The following SLC35E2B variants were observed in gnomAD, a reference collection of about 807,000 sequenced individuals.
SLC35E2B encodes solute carrier family 35, member E2B.
In SLC35E2B, 18 loss-of-function variants were observed where a neutral mutation model predicts 32.4. The observed-to-expected ratio is 0.56, with a 90% CI of 0.38 to 0.82. SLC35E2B has a LOEUF of 0.82. Ranked by LOEUF, SLC35E2B falls within the 40% of genes least tolerant of loss-of-function variation. SLC35E2B has a pLI of 0.00. For missense variants in SLC35E2B, 263 were observed against 469.5 expected (o/e 0.56, Z 4.06); for synonymous variants, 132 against 209.1 (o/e 0.63, Z 3.18).
chr1:1,668,203 T>C lies in SLC35E2B; in HGVS notation c.980+124A>G, dbSNP rs2101092938. 1.3e-5 allele frequency: 19 copies of C among 1,414,508 alleles called. No homozygotes were observed. The South Asian group carries it at 2.4e-4, about 18-fold the overall frequency. The allele number at this position is 1,414,508 out of a possible 1,614,324, so 87.6% of individuals were successfully genotyped here. On this transcript the variant is annotated intron_variant, in intron 9 of 9. Coordinates refer to ENST00000617444, the MANE Select transcript of SLC35E2B (RefSeq NM_001290264.2). Reference sequence around the variant, plus strand: ...GTATAAAATAGCCTAGTAATTACACTGCATAGCCACACTCATCCCCGTGGA... The same window carrying C: ...GTATAAAATAGCCTAGTAATTACACCGCATAGCCACACTCATCCCCGTGGA...
At chr1:1,678,611 TGAG>T (rs916627771) in intron 2 of SLC35E2B, among the ~76,000 whole-genome samples, 7 of 151,986 alleles carry the variant, frequency 4.6e-5, no homozygotes, top group African/African-American at 9.7e-5. Context: ...CAGGCCTCAG[TGAG>T]GAGAAGGCCG....
Position 1,670,090 on chromosome 1 carries a change from A to C in SLC35E2B, c.761+8T>G, listed in dbSNP as rs1643647650. The C allele has an allele frequency of 2.6e-6, 4 of 1,549,772 alleles. No individual in the cohort carries two copies. Among genetic ancestry groups the C allele is most frequent in the South Asian group, 1.2e-5 (1 of 83,994 alleles). ...GACTTGGAGATTTCACTGACGAATAATACTTACGAGAACCTGTATTTGTCC... is the reference window on the plus strand; with the variant it reads ...GACTTGGAGATTTCACTGACGAATACTACTTACGAGAACCTGTATTTGTCC... On this transcript the variant is annotated splice_region_variant and intron_variant, in intron 7 of 9. Transcript: ENST00000617444.
rs527461550 is a variant in SLC35E2B at position 1,687,982 on chromosome 1, G to A, written c.-148+2994C>T. Among the ~76,000 whole-genome samples the A allele has an allele frequency of 3.3e-5, 5 of 152,096 alleles. No individual in the cohort carries two copies. In the East Asian group the frequency reaches 7.7e-4, roughly 23 times the overall value. On this transcript the variant is annotated intron_variant, in intron 2 of 9. Coordinates refer to ENST00000617444, the MANE Select transcript of SLC35E2B (RefSeq NM_001290264.2). ...CTTCTTTGAAAAATGACTGACTCTCGGGCTGTGGTGGGAAAGACACCAGAG... is the reference window on the plus strand; with the variant it reads ...CTTCTTTGAAAAATGACTGACTCTCAGGCTGTGGTGGGAAAGACACCAGAG...
chr1:1,684,789 CAAAAAAAA>C lies in SLC35E2B; in HGVS notation c.-148+6179_-148+6186del, dbSNP rs1175219653. Among the ~76,000 whole-genome samples, 9 of 23,734 alleles carry C rather than the reference CAAAAAAAA, an allele frequency of 3.8e-4. 1 individual carries two copies. The South Asian group carries it at 9.2e-3, about 24-fold the overall frequency. 15.6% of individuals were successfully genotyped at this position (23,734 alleles called of 152,430 possible). A position where few individuals can be genotyped will look rare whatever the true frequency, so the allele number is the denominator to read the frequency against. ...TGGGCAACAGAGCGAGACTCCATCT[CAAAAAAAA>C]AAAAAAAAAAAAAAAAACAGGACAG... is the stretch of plus-strand genomic sequence containing the variant. On this transcript the variant is annotated intron_variant, in intron 2 of 9. Coordinates refer to ENST00000617444, the MANE Select transcript of SLC35E2B (RefSeq NM_001290264.2).
At chr1:1,678,914 G>A in intron 2 of SLC35E2B, among the ~76,000 whole-genome samples, 1 of 152,108 alleles carries the variant, frequency 6.6e-6, no homozygotes, top group South Asian at 2.1e-4. Flanking sequence ...TGGCTTTCCT[G>A]AGGTGAAAAT....
Position 1,665,682 on chromosome 1 carries a change from C to T in SLC35E2B, c.*100G>A. 5 of 1,474,414 alleles carry T rather than the reference C, an allele frequency of 3.4e-6. 1 individual carries two copies. The highest frequency in any genetic ancestry group is 1.3e-5 in the South Asian group (1 of 74,972). 91.3% of individuals were successfully genotyped at this position (1,474,414 alleles called of 1,614,324 possible). A position where few individuals can be genotyped will look rare whatever the true frequency, so the allele number is the denominator to read the frequency against. ...GCAGGCAATGGCCAACTTAGCTCCC[C>T]ATGTCCTGCACCCCAGCAGGGCCAT... On this transcript the variant is annotated 3_prime_UTR_variant, in exon 10 of 10. Coordinates refer to ENST00000617444, the MANE Select transcript of SLC35E2B (RefSeq NM_001290264.2).
At chr1:1,670,290 T>TTTTTTA in intron 6 of SLC35E2B, 139 bp from the exon 7 acceptor site, 1 of 642,412 alleles carries the variant, frequency 1.6e-6, no homozygotes, top group Non-Finnish European at 2.7e-6. Context: ...CCTGGTTACT[T>TTTTTTA]TTTTTATTTT....
In SLC35E2B at chr1:1,687,607, C is replaced by T. The variant is rs187551183; in HGVS notation, c.-148+3369G>A. Reference sequence around the variant, plus strand: ...AAAATTAGCCAGACATGGTGGCAGGCGCCTGTAGTCCCAGCTACTTGGCAT... The same window carrying T: ...AAAATTAGCCAGACATGGTGGCAGGTGCCTGTAGTCCCAGCTACTTGGCAT... On this transcript the variant is annotated intron_variant, in intron 2 of 9. Transcript: ENST00000617444. Among the ~76,000 whole-genome samples, 522 of 152,036 alleles carry T rather than the reference C, an allele frequency of 3.4e-3. 6 individuals are homozygous for T. The highest frequency in any genetic ancestry group is 0.012 in the African/African-American group (496 of 41,458).
intron 2 of SLC35E2B, among the ~76,000 whole-genome samples, chr1:1,677,881 G>A (rs1319697461): frequency 1.3e-5 from 2 of 151,638 alleles, no homozygotes; most frequent in Non-Finnish European, 2.9e-5. Flanking sequence ...CAGAACAGCC[G>A]TTTCCTCCTG....
In SLC35E2B at chr1:1,669,744, T is replaced by A. The variant is rs1643636720; in HGVS notation, c.762-8A>T. 6 of 1,547,022 alleles carry A rather than the reference T, an allele frequency of 3.9e-6. No homozygotes were observed. In the South Asian group the frequency reaches 7.2e-5, roughly 18 times the overall value. On this transcript the variant is annotated splice_polypyrimidine_tract_variant and splice_region_variant and intron_variant, in intron 7 of 9. Transcript: ENST00000617444. Reference sequence around the variant, plus strand: ...AACTGCAGCTCCGGGGCCCTGTGGGTGACAGAACACGCTGGGCCCCCCGTG... The same window carrying A: ...AACTGCAGCTCCGGGGCCCTGTGGGAGACAGAACACGCTGGGCCCCCCGTG...
At chr1:1,681,343 G>A (rs916879299) in intron 2 of SLC35E2B, among the ~76,000 whole-genome samples, 2 of 151,516 alleles carry the variant, frequency 1.3e-5, no homozygotes, top group South Asian at 2.1e-4. Flanking sequence ...GACTACAGGC[G>A]CCCGCCACCA....
At chr1:1,679,830 CAAAAAA>C (rs763458628) in intron 2 of SLC35E2B, among the ~76,000 whole-genome samples, 1 of 70,752 alleles carries the variant, frequency 1.4e-5, no homozygotes, top group African/African-American at 5.3e-5. Flanking sequence ...AGACTCCCGT[CAAAAAA>C]AAAAAAAAAA....
intron 2 of SLC35E2B, among the ~76,000 whole-genome samples, chr1:1,680,366 G>C (rs761608927): frequency 3.9e-5 from 6 of 152,114 alleles, no homozygotes; most frequent in African/African-American, 1.4e-4. Context: ...GCAAACAAAG[G>C]CCTCTCCATG....
intron 8 of SLC35E2B, among the ~76,000 whole-genome samples, chr1:1,668,862 G>C (rs926585047): frequency 6.6e-6 from 1 of 151,872 alleles, no homozygotes. Flanking sequence ...GTGGTGGTGG[G>C]CGCCTGTAAT....
At chr1:1,669,642 G>A in intron 8 of SLC35E2B, 22 bp downstream of exon 8, 6 of 1,514,822 alleles carry the variant, frequency 4.0e-6, no homozygotes, top group Non-Finnish European at 5.4e-6. Context: ...GTAAGGACGG[G>A]ACGCCTGTGT....
At chr1:1,692,125 T>G in intron 1 of SLC35E2B, among the ~76,000 whole-genome samples, 1 of 102,172 alleles carries the variant, frequency 9.8e-6, no homozygotes, top group Non-Finnish European at 1.9e-5. Context: ...TGCTTTAGTT[T>G]TTTGCGTGTT....
chr1:1,687,241 A>G (rs1188823241), intron 2 of SLC35E2B, among the ~76,000 whole-genome samples: 1 of 152,122 alleles, frequency 6.6e-6, no homozygotes, highest in Non-Finnish European at 1.5e-5. Context: ...ACACCTGCAC[A>G]GCGCGCTCCC....
At position 1,690,299 on chromosome 1, in the gene SLC35E2B, C is replaced by CA. The variant is rs201505712; in HGVS notation, c.-148+676dup. ...CTGTCTCAAAAAAAAAAAAAAGAAA[C>CA]AAAAAAAAATATATATATATATATA... On this transcript the variant is annotated intron_variant, in intron 2 of 9. Transcript: ENST00000617444. 3.4e-3 allele frequency among the ~76,000 whole-genome samples: 298 copies of CA among 87,934 alleles called. 8 individuals are homozygous for CA. Among genetic ancestry groups the CA allele is most frequent in the Middle Eastern group, 6.8e-3 (1 of 148 alleles). The allele number at this position is 87,934 out of a possible 152,430, so 57.7% of individuals were successfully genotyped here. A position where few individuals can be genotyped will look rare whatever the true frequency, so the allele number is the denominator to read the frequency against.
chr1:1,664,238 C>T lies in SLC35E2B; in HGVS notation c.*1544G>A, dbSNP rs1253858869. 2 of 815,048 alleles carry T rather than the reference C, an allele frequency of 2.5e-6. 1 individual carries two copies. Among genetic ancestry groups the T allele is most frequent in the Non-Finnish European group, 3.0e-6 (2 of 672,724 alleles). The allele number at this position is 815,048 out of a possible 1,614,324, so 50.5% of individuals were successfully genotyped here. On this transcript the variant is annotated 3_prime_UTR_variant, in exon 10 of 10. Coordinates refer to ENST00000617444, the MANE Select transcript of SLC35E2B (RefSeq NM_001290264.2). ...AAAAAGCCTCACTTCGGTCCATCAT[C>T]ATGGCAGACTTTTTTGAGTAGGTAG...
Sources: gnomAD v4.1 joint callset for allele counts (sites outside exome capture counted in the v4.1 genomes callset) on GRCh38, gnomAD v4.1.1 for gene constraint, MANE v1.5 for transcripts, NCBI Gene and HGNC (gene_info 2026-07-23, HGNC 2026-07-21) for gene names.